GPC5: variants seen among roughly 807,000 people sequenced by gnomAD.
GPC5 encodes the protein glypican-5.
In GPC5, 47 loss-of-function variants were observed where a neutral mutation model predicts 53.9. The observed-to-expected ratio is 0.87, with a 90% confidence interval of 0.69 to 1.11. The LOEUF is 1.11. Among genes scored for constraint, GPC5 ranks in the 50% most tolerant of loss-of-function variants. The probability of loss-of-function intolerance (pLI) is 0.00; values close to 1 mark genes in which losing one functional copy is unlikely to be tolerated. For missense variants in GPC5, 748 were observed against 713.1 expected, an observed-to-expected ratio of 1.05 and a Z score of -0.56; for synonymous variants, 286 against 263.3, an observed-to-expected ratio of 1.09 and a Z score of -0.84.
chr13:92,055,773 T>C (rs1438626841), intron 6 of GPC5, among the ~76,000 whole-genome samples: 1 of 152,202 alleles, frequency 6.6e-6, no homozygotes, highest in African/African-American at 2.4e-5. Context: ...TGTATATTTC[T>C]AAAATCTTAA....
rs1184495560 is a variant in GPC5 at position 91,693,346 on chromosome 13, T to C, written c.485T>C (p.Phe162Ser). The stretch of plus-strand genomic sequence containing the variant: ...GGTGCGGATGTTAATCCTGAAGAAT[T>C]TGTAAACAGATTTTTTGACAGTCTT... ...LFGADVNPEE[F>S]VNRFFDSLFP... The change falls in exon 3 of 8, where the codon TTT becomes TCT. Residue 162 changes from phenylalanine to serine, a missense_variant. Coordinates refer to ENST00000377067, the MANE Select transcript of GPC5 (RefSeq NM_004466.6). 1.2e-6 allele frequency: 2 copies of C among 1,614,156 alleles called. No homozygotes were observed. The highest frequency in any genetic ancestry group is 8.5e-7 in the Non-Finnish European group (1 of 1,180,016).
intron 7 of GPC5, among the ~76,000 whole-genome samples, chr13:92,753,398 C>G (rs1478299259): frequency 6.6e-6 from 1 of 152,156 alleles, no homozygotes; most frequent in Non-Finnish European, 1.5e-5. Context: ...AACAGAAAAA[C>G]TGGAAACTCT....
chr13:92,854,036 T>C (rs550963846), intron 7 of GPC5, among the ~76,000 whole-genome samples: 1 of 152,104 alleles, frequency 6.6e-6, no homozygotes, highest in East Asian at 1.9e-4. Flanking sequence ...TTCAATTTTA[T>C]TGTGTTGTCG....
At chr13:92,639,726 C>T (rs1885525473) in intron 7 of GPC5, among the ~76,000 whole-genome samples, 1 of 152,152 alleles carries the variant, frequency 6.6e-6, no homozygotes, top group African/African-American at 2.4e-5. Flanking sequence ...GGTATCTGTA[C>T]ATGGGTAGGG....
Position 92,467,221 on chromosome 13 carries a change from C to G in GPC5, c.1561+322232C>G, listed in dbSNP as rs143141050. ...CCTGGAAATATTTCACCTTTTTCTT[C>G]GGAGCTTTTCAGACAGTGTTGGTGT... On this transcript the variant is annotated intron_variant, in intron 7 of 7. Transcript: ENST00000377067. 5.1e-4 allele frequency among the ~76,000 whole-genome samples: 78 copies of G among 152,132 alleles called. 1 individual carries two copies. The South Asian group carries it at 9.1e-3, about 18-fold the overall frequency.
At chr13:92,793,317 A>G (rs1217925600) in intron 7 of GPC5, among the ~76,000 whole-genome samples, 1 of 152,210 alleles carries the variant, frequency 6.6e-6, no homozygotes, top group East Asian at 1.9e-4. Flanking sequence ...GGCAGAAAAA[A>G]AGATGTTCTT....
chr13:92,187,944 C>T (rs1200737480), intron 7 of GPC5, among the ~76,000 whole-genome samples: 1 of 152,160 alleles, frequency 6.6e-6, no homozygotes, highest in Non-Finnish European at 1.5e-5. Flanking sequence ...CAAACTGTGC[C>T]ACTGACATTT....
intron 7 of GPC5, among the ~76,000 whole-genome samples, chr13:92,742,423 C>G (rs939524350): frequency 2.8e-4 from 42 of 152,094 alleles, no homozygotes; most frequent in African/African-American, 7.5e-4. Flanking sequence ...CCCACTTTTT[C>G]ATGGGGTTGT....
chr13:92,652,639 G>A (rs555908545), intron 7 of GPC5, among the ~76,000 whole-genome samples: 10 of 152,168 alleles, frequency 6.6e-5, no homozygotes, highest in East Asian at 5.8e-4. Flanking sequence ...TCTCAATGTC[G>A]TTACCTCTAA....
chr13:92,200,402 T>C (rs2042285938), intron 7 of GPC5, among the ~76,000 whole-genome samples: 1 of 152,210 alleles, frequency 6.6e-6, no homozygotes, highest in Admixed American at 6.5e-5. Context: ...AGTAACTGTG[T>C]TAGCCAGAGC....
chr13:92,536,693 A>C (rs1285674585), intron 7 of GPC5, among the ~76,000 whole-genome samples: 2 of 152,116 alleles, frequency 1.3e-5, no homozygotes, highest in East Asian at 3.9e-4. Flanking sequence ...ATATCTACAA[A>C]TATAGCCTTG....
chr13:91,830,912 A>G (rs1309728396), intron 5 of GPC5, among the ~76,000 whole-genome samples: 34 of 129,218 alleles, frequency 2.6e-4, no homozygotes, highest in African/African-American at 6.4e-4. Flanking sequence ...TATTATATAT[A>G]ATATATATCC....
chr13:91,863,082 C>A (rs1414712094), intron 5 of GPC5, among the ~76,000 whole-genome samples: 1 of 144,602 alleles, frequency 6.9e-6, no homozygotes, highest in African/African-American at 2.5e-5. Context: ...CTTTCCCTTA[C>A]TTTTTCCCTT....
chr13:92,329,385 A>T (rs890855842), intron 7 of GPC5, among the ~76,000 whole-genome samples: 4 of 152,028 alleles, frequency 2.6e-5, no homozygotes, highest in African/African-American at 9.7e-5. Flanking sequence ...AAACAACCAG[A>T]TCTCACATGA....
At chr13:92,787,685 A>G (rs1566418586) in intron 7 of GPC5, among the ~76,000 whole-genome samples, 1 of 143,420 alleles carries the variant, frequency 7.0e-6, no homozygotes, top group Non-Finnish European at 1.5e-5. Context: ...AAAAAAAAAG[A>G]AAAGAAAAGA....
chr13:91,572,217 A>ATACACATGTGTATATATATGTGTATG (rs1566517664), intron 2 of GPC5, among the ~76,000 whole-genome samples: 1 of 89,414 alleles, frequency 1.1e-5, no homozygotes, highest in African/African-American at 4.6e-5. Flanking sequence ...ATACGTGTAT[A>ATACACATGTGTATATATATGTGTATG]TATATACACA....
chr13:91,585,317 T>C (rs1039081894), intron 2 of GPC5, among the ~76,000 whole-genome samples: 1 of 152,150 alleles, frequency 6.6e-6, no homozygotes, highest in Non-Finnish European at 1.5e-5. Flanking sequence ...TGCATATACA[T>C]GAAGACTAAG....
At chr13:92,806,699 G>T (rs1877113484) in intron 7 of GPC5, among the ~76,000 whole-genome samples, 1 of 152,026 alleles carries the variant, frequency 6.6e-6, no homozygotes, top group Non-Finnish European at 1.5e-5. Context: ...GGGAATGGCT[G>T]GTTAGTGGAG....
chr13:92,178,405 C>G (rs1228311860), intron 7 of GPC5, among the ~76,000 whole-genome samples: 1 of 150,426 alleles, frequency 6.6e-6, no homozygotes, highest in Non-Finnish European at 1.5e-5. Context: ...AACTTGTGGC[C>G]CATCATTTTA....
Sources: gnomAD v4.1 joint callset for allele counts (sites outside exome capture counted in the v4.1 genomes callset) on GRCh38, gnomAD v4.1.1 for gene constraint, MANE v1.5 for transcripts, NCBI Gene and HGNC (gene_info 2026-07-23, HGNC 2026-07-21) for gene names.